The following THRB variants were observed in gnomAD, a reference collection of about 807,000 sequenced individuals.
The protein encoded by THRB is nuclear receptor subfamily 1 group A member 2.
A neutral mutation model predicts 47.8 loss-of-function variants in THRB; 12 were observed. That is an observed-to-expected ratio of 0.25 (90% confidence interval 0.16 to 0.41). The LOEUF is 0.41. Ranked by LOEUF, THRB falls within the 10% of genes least tolerant of loss-of-function variation. The probability of loss-of-function intolerance (pLI) is 1.00; values close to 1 mark genes in which losing one functional copy is unlikely to be tolerated. For synonymous variants in THRB, 218 were observed against 212.2 expected, an observed-to-expected ratio of 1.03 and a Z score of -0.24; for missense variants, 348 against 589.2, an observed-to-expected ratio of 0.59 and a Z score of 4.24.
At chr3:24,169,826 G>A (rs893329408) in intron 5 of THRB, among the ~76,000 whole-genome samples, 2 of 150,906 alleles carry the variant, frequency 1.3e-5, no homozygotes, top group Non-Finnish European at 3.0e-5. Flanking sequence ...AAAGTTTACT[G>A]GAATACAGCT....
chr3:24,171,496 C>T (rs1483986537), intron 5 of THRB, among the ~76,000 whole-genome samples: 2 of 152,116 alleles, frequency 1.3e-5, no homozygotes, highest in Admixed American at 1.3e-4. Flanking sequence ...CTATGCATTC[C>T]ACATGTATTT....
intron 4 of THRB, among the ~76,000 whole-genome samples, chr3:24,201,813 G>T (rs1394500934): frequency 6.6e-6 from 1 of 151,298 alleles, no homozygotes; most frequent in African/African-American, 2.5e-5. Context: ...CAAGATTTCA[G>T]ATTATACTTC....
intron 2 of THRB, among the ~76,000 whole-genome samples, chr3:24,308,761 G>C (rs1021617283): frequency 6.6e-6 from 1 of 152,090 alleles, no homozygotes; most frequent in Non-Finnish European, 1.5e-5. Context: ...AATTTTAATT[G>C]AATATGTTTT....
chr3:24,388,125 A>G (rs1323900008), intron 1 of THRB, among the ~76,000 whole-genome samples: 1 of 152,124 alleles, frequency 6.6e-6, no homozygotes, highest in East Asian at 1.9e-4. Context: ...CTTTGGCTGA[A>G]GAGAGCCTCC....
intron 7 of THRB, chr3:24,144,925 A>G (rs964522017): frequency 6.6e-6 from 1 of 152,000 alleles, no homozygotes; most frequent in African/African-American, 2.4e-5. Context: ...AAGCAGACAT[A>G]GCAAGAGAAG....
In THRB at chr3:24,306,781, T is replaced by G. The variant is rs570793897; in HGVS notation, c.-188-9410A>C. Among the ~76,000 whole-genome samples the G allele has an allele frequency of 3.3e-5, 5 of 152,330 alleles. No homozygotes were observed. In the South Asian group the frequency reaches 1.0e-3, roughly 32 times the overall value. ...TGTGATACACAACCCTGTAACCACGTACGGTTGGAGTTTGATGAAACTTCT... is the reference window on the plus strand; with the variant it reads ...TGTGATACACAACCCTGTAACCACGGACGGTTGGAGTTTGATGAAACTTCT... On this transcript the variant is annotated intron_variant, in intron 2 of 10. Coordinates refer to ENST00000646209, the MANE Select transcript of THRB (RefSeq NM_001354712.2).
chr3:24,377,840 A>G (rs868680928), intron 1 of THRB, among the ~76,000 whole-genome samples: 33 of 152,222 alleles, frequency 2.2e-4, no homozygotes, highest in Middle Eastern at 3.4e-3. Context: ...GCAAAATTCC[A>G]TGAGTCTATG....
chr3:24,361,877 G>A (rs1191155825), intron 1 of THRB, among the ~76,000 whole-genome samples: 1 of 152,038 alleles, frequency 6.6e-6, no homozygotes, highest in East Asian at 1.9e-4. Context: ...TTTAACTTAT[G>A]GGCAGATGAT....
At chr3:24,280,040 T>C (rs2054383571) in intron 3 of THRB, among the ~76,000 whole-genome samples, 1 of 152,210 alleles carries the variant, frequency 6.6e-6, no homozygotes, top group South Asian at 2.1e-4. Flanking sequence ...TACAAACACT[T>C]GGCTGCCTTA....
chr3:24,267,370 GAAA>G (rs71266409), intron 3 of THRB, among the ~76,000 whole-genome samples: 1 of 135,892 alleles, frequency 7.4e-6, no homozygotes, highest in Non-Finnish European at 1.6e-5. Flanking sequence ...AACTTTTCCT[GAAA>G]AAAAAAAAAG....
At position 24,293,515 on chromosome 3, in the gene THRB, A is replaced by G. The variant is rs1505303; in HGVS notation, c.-43+3711T>C. Among the ~76,000 whole-genome samples the G allele has an allele frequency of 2.7e-3, 418 of 152,346 alleles. 1 individual carries two copies. Among genetic ancestry groups the G allele is most frequent in the Admixed American group, 5.1e-3 (78 of 15,300 alleles). On this transcript the variant is annotated intron_variant, in intron 3 of 10. Transcript: ENST00000646209. ...CAAAATCCAAGGACATGCTACCTCA[A>G]TTAATCAAATTGTATCATTTTGCCA...
Position 24,457,578 on chromosome 3 carries a change from T to C in THRB, c.-261+37074A>G, listed in dbSNP as rs115376000. ...ATTGTCTTAAAAGGCAACAAACTAG[T>C]GACATGCGAACAGAAACCACAGGTT... is the stretch of plus-strand genomic sequence containing the variant. On this transcript the variant is annotated intron_variant, in intron 1 of 10. Coordinates refer to ENST00000646209, the MANE Select transcript of THRB (RefSeq NM_001354712.2). 6.4e-3 allele frequency among the ~76,000 whole-genome samples: 981 copies of C among 152,318 alleles called. 12 individuals carry two copies. The highest frequency in any genetic ancestry group is 0.022 in the African/African-American group (924 of 41,572).
intron 3 of THRB, among the ~76,000 whole-genome samples, chr3:24,243,245 G>T (rs552774598): frequency 6.6e-6 from 1 of 151,924 alleles, no homozygotes; most frequent in East Asian, 1.9e-4. Flanking sequence ...AGTATCCAGG[G>T]GTCTCCTGCA....
chr3:24,208,603 A>AAATGGTGCTT (rs1376877141), intron 4 of THRB, among the ~76,000 whole-genome samples: 1 of 152,248 alleles, frequency 6.6e-6, no homozygotes, highest in Non-Finnish European at 1.5e-5. Context: ...TGGGGAAAGG[A>AAATGGTGCTT]TTCCCTATTT....
intron 3 of THRB, among the ~76,000 whole-genome samples, chr3:24,251,135 G>A (rs924025557): frequency 6.6e-6 from 1 of 152,002 alleles, no homozygotes; most frequent in Non-Finnish European, 1.5e-5. Flanking sequence ...AAGCCTTATT[G>A]CTAGATATGT....
chr3:24,283,047 A>G (rs2054800323), intron 3 of THRB, among the ~76,000 whole-genome samples: 2 of 151,424 alleles, frequency 1.3e-5, no homozygotes, highest in Admixed American at 6.6e-5. Flanking sequence ...TATTCCAATC[A>G]ATAGAAAAAG....
chr3:24,451,427 G>T (rs891930210), intron 1 of THRB, among the ~76,000 whole-genome samples: 46 of 151,946 alleles, frequency 3.0e-4, no homozygotes, highest in African/African-American at 1.1e-3. Flanking sequence ...AGTAGAGATG[G>T]GGTTTCACTA....
intron 4 of THRB, among the ~76,000 whole-genome samples, chr3:24,209,358 T>C (rs573203267): frequency 4.6e-5 from 7 of 152,198 alleles, no homozygotes; most frequent in Non-Finnish European, 1.0e-4. Flanking sequence ...ATCATGCTGC[T>C]ATAAAGACAC....
At chr3:24,301,383 G>A (rs62253758) in intron 2 of THRB, among the ~76,000 whole-genome samples, 10,492 of 152,204 alleles carry the variant, frequency 0.069, 367 homozygotes, top group Non-Finnish European at 0.08. Flanking sequence ...ATTTGAATGT[G>A]CTTTTCTGTG....
Sources: gnomAD v4.1 joint callset for allele counts (sites outside exome capture counted in the v4.1 genomes callset) on GRCh38, gnomAD v4.1.1 for gene constraint, MANE v1.5 for transcripts, NCBI Gene and HGNC (gene_info 2026-07-23, HGNC 2026-07-21) for gene names.